The following CELF5 variants were observed in gnomAD, a reference collection of about 807,000 sequenced individuals.
The protein encoded by CELF5 is CUGBP Elav-like family member 5, also known as CUG-BP and ETR-3 like factor 5.
In CELF5, 6 loss-of-function variants were observed where a neutral mutation model predicts 54.9. That is an observed-to-expected ratio of 0.11 (90% CI 0.06 to 0.22). The LOEUF is 0.22. Among genes scored for constraint, CELF5 ranks in the 10% least tolerant of loss-of-function variants. The pLI, the probability that CELF5 is intolerant of heterozygous loss-of-function variation, is 1.00. For synonymous variants in CELF5, 271 were observed against 290.9 expected (o/e 0.93, Z 0.70); for missense variants, 401 against 678.6 (o/e 0.59, Z 4.54).
chr19:3,292,743 A>G (rs2080372737), intron 11 of CELF5, among the ~76,000 whole-genome samples: 1 of 152,068 alleles, frequency 6.6e-6, no homozygotes, highest in Non-Finnish European at 1.5e-5. Context: ...AGAAACAGAG[A>G]CAGTTAGCTG....
At chr19:3,250,650 CT>C (rs1164332456) in intron 1 of CELF5, among the ~76,000 whole-genome samples, 2 of 152,298 alleles carry the variant, frequency 1.3e-5, no homozygotes, top group African/African-American at 2.4e-5. Context: ...TCCCCAGCCC[CT>C]GGCACCTCCC....
chr19:3,247,247 C>A (rs1172527388), intron 1 of CELF5, among the ~76,000 whole-genome samples: 1 of 152,134 alleles, frequency 6.6e-6, no homozygotes, highest in Non-Finnish European at 1.5e-5. Flanking sequence ...CTGCCTTGGC[C>A]TCCCGAGTAG....
rs2079909153 is a variant in CELF5 at position 3,268,153 on chromosome 19, C to G, written c.343-5719C>G. ...AGCTGGGATTACAGGTGCCCGCCAC[C>G]ACGCCCAGCTACTTTTTGTATTTTT... On this transcript the variant is annotated intron_variant, in intron 2 of 12. Coordinates refer to ENST00000292672, the MANE Select transcript of CELF5 (RefSeq NM_021938.4). The surrounding 1 kb of genome is among the most constrained non-coding windows in gnomAD (Gnocchi z 4.4). 6.6e-6 allele frequency among the ~76,000 whole-genome samples: 1 copy of G among 152,054 alleles called. No homozygotes were observed. The highest frequency in any genetic ancestry group is 2.4e-5 in the African/African-American group (1 of 41,400).
Position 3,275,866 on chromosome 19 carries a change from G to A in CELF5, c.405G>A (p.Lys135=). The A allele has an allele frequency of 2.5e-6, 4 of 1,610,364 alleles. No individual in the cohort carries two copies. Among genetic ancestry groups the A allele is most frequent in the South Asian group, 1.1e-5 (1 of 91,006 alleles). ...TGTCGCCGCCCACAGGGGACCGGAA[G>A]CTGTTCGTGGGGATGCTGAACAAGC... is the stretch of plus-strand genomic sequence containing the variant. ...DSESRGGRDR[K]LFVGMLNKQQ... Residue 135 remains lysine, a synonymous_variant, in exon 4 of 13, where the codon AAG becomes AAA. Transcript: ENST00000292672. The surrounding 1 kb of genome is among the most constrained non-coding windows in gnomAD (Gnocchi z 6.7).
chr19:3,245,647 G>C (rs147450082), intron 1 of CELF5, among the ~76,000 whole-genome samples: 102 of 151,714 alleles, frequency 6.7e-4, no homozygotes, highest in African/African-American at 2.2e-3. Flanking sequence ...ATTTCTTGCC[G>C]ATCAAACCTG....
At chr19:3,231,800 G>C (rs1194789829) in intron 1 of CELF5, among the ~76,000 whole-genome samples, 1 of 149,932 alleles carries the variant, frequency 6.7e-6, no homozygotes, top group Non-Finnish European at 1.5e-5. Flanking sequence ...ATGGATGGAT[G>C]GATGGGTAGG....
intron 1 of CELF5, among the ~76,000 whole-genome samples, chr19:3,250,112 C>T (rs1326880189): frequency 1.3e-5 from 2 of 152,222 alleles, no homozygotes; most frequent in Non-Finnish European, 2.9e-5. Context: ...AACATGGTGG[C>T]TTCAGCATCC....
chr19:3,248,990 A>G (rs1191993270), intron 1 of CELF5, among the ~76,000 whole-genome samples: 2 of 146,844 alleles, frequency 1.4e-5, no homozygotes. Flanking sequence ...TCTGCCTGGT[A>G]CCCCCAGGGT....
intron 1 of CELF5, among the ~76,000 whole-genome samples, chr19:3,235,517 G>A (rs1196945185): frequency 2.3e-5 from 3 of 128,874 alleles, no homozygotes; most frequent in Admixed American, 7.7e-5. Flanking sequence ...TGGATGGATG[G>A]ATGGATGAAT....
intron 1 of CELF5, among the ~76,000 whole-genome samples, chr19:3,246,101 C>T (rs1027521614): frequency 3.9e-5 from 6 of 152,116 alleles, no homozygotes; most frequent in East Asian, 1.9e-4. Context: ...CGGTGGCTTA[C>T]GCCTATAATC....
Position 3,275,447 on chromosome 19 carries a change from A to AAGAC in CELF5, c.395-390_395-387dup, listed in dbSNP as rs749889665. The stretch of plus-strand genomic sequence containing the variant: ...CTGGCAGGTCCGGGGAGCAGACAGA[A>AAGAC]AGACAGACAGACAGACAGACAGGGA... On this transcript the variant is annotated intron_variant, in intron 3 of 12. Coordinates refer to ENST00000292672, the MANE Select transcript of CELF5 (RefSeq NM_021938.4). The surrounding 1 kb of genome is among the most constrained non-coding windows in gnomAD (Gnocchi z 6.7). Among the ~76,000 whole-genome samples the AAGAC allele has an allele frequency of 3.0e-4, 46 of 152,198 alleles. No individual in the cohort carries two copies. In the Middle Eastern group the frequency reaches 0.01, roughly 34 times the overall value.
At position 3,242,118 on chromosome 19, in the gene CELF5, G is replaced by A. The variant is rs545739523; in HGVS notation, c.260-8867G>A. 2.0e-5 allele frequency among the ~76,000 whole-genome samples: 3 copies of A among 152,294 alleles called. No individual in the cohort carries two copies. In the South Asian group the frequency reaches 6.2e-4, roughly 32 times the overall value. Reference sequence around the variant, plus strand: ...AGGTTATTTCTAGGGAAGCAGGTACGGCAAGAGGCTGTGTTCTTCCTCATA... The same window carrying A: ...AGGTTATTTCTAGGGAAGCAGGTACAGCAAGAGGCTGTGTTCTTCCTCATA... On this transcript the variant is annotated intron_variant, in intron 1 of 12. Coordinates refer to ENST00000292672, the MANE Select transcript of CELF5 (RefSeq NM_021938.4).
At position 3,227,609 on chromosome 19, in the gene CELF5, G is replaced by A. The variant is rs1221483181; in HGVS notation, c.259+2611G>A. Among the ~76,000 whole-genome samples, 5 of 152,084 alleles carry A rather than the reference G, an allele frequency of 3.3e-5. No homozygotes were observed. The East Asian group carries it at 7.7e-4, about 23-fold the overall frequency. ...TGCACCCGGCTCCTGGTACAAGCCC[G>A]GAGGGGGTCAGCTGGTACCACCTCT... On this transcript the variant is annotated intron_variant, in intron 1 of 12. Coordinates refer to ENST00000292672, the MANE Select transcript of CELF5 (RefSeq NM_021938.4).
intron 1 of CELF5, among the ~76,000 whole-genome samples, chr19:3,234,769 G>C (rs576625099): frequency 6.6e-6 from 1 of 152,056 alleles, no homozygotes; most frequent in Non-Finnish European, 1.5e-5. Flanking sequence ...TGATGGCTCT[G>C]CCTTCAAAAC....
intron 1 of CELF5, among the ~76,000 whole-genome samples, chr19:3,242,921 G>A (rs1363670752): frequency 6.6e-6 from 1 of 152,064 alleles, no homozygotes; most frequent in Non-Finnish European, 1.5e-5. Flanking sequence ...GTGAGATGGT[G>A]CTGCTGCACT....
In CELF5 at chr19:3,224,965, G is replaced by T; in HGVS notation, c.226G>T (p.Val76Leu). 1.2e-6 allele frequency: 2 copies of T among 1,605,432 alleles called. No individual in the cohort carries two copies. Among genetic ancestry groups the T allele is most frequent in the Non-Finnish European group, 1.7e-6 (2 of 1,176,472 alleles). Residue 76 changes from valine to leucine, a missense_variant, in exon 1 of 13, where the codon GTG becomes TTG. Val to Leu is a conservative substitution (Grantham distance 32). Around this residue, in one of 6 missense-constraint regions of CELF5, gnomAD observed 66 missense variants for 132.3 expected, o/e 0.50. Coordinates refer to ENST00000292672, the MANE Select transcript of CELF5 (RefSeq NM_021938.4). The stretch of plus-strand genomic sequence containing the variant: ...GTTCGGCCGCATCTACGAGCTCACG[G>T]TGCTCAAAGACCCCTACACGGGGAT... ...EQFGRIYELT[V>L]LKDPYTGMHK...
In CELF5 at chr19:3,224,777, A is replaced by G. The variant is rs1916790468; in HGVS notation, c.38A>G (p.Gln13Arg). Reference sequence around the variant, plus strand: ...ACGGAGAGCGAGGCGCGCCGGCAGCAGCAGCAGCTCCTGCAGCCGCGGCCC... The same window carrying G: ...ACGGAGAGCGAGGCGCGCCGGCAGCGGCAGCAGCTCCTGCAGCCGCGGCCC... Reference protein sequence around the residue: ...RLTESEARRQQQQLLQPRPSP... With the variant: ...RLTESEARRQRQQLLQPRPSP... Residue 13 changes from glutamine to arginine, a missense_variant, in exon 1 of 13, where the codon CAG (glutamine) becomes CGG (arginine). Gln to Arg is a conservative substitution (Grantham distance 43). Transcript: ENST00000292672. 6 of 1,467,424 alleles carry G rather than the reference A, an allele frequency of 4.1e-6. No individual in the cohort carries two copies. Among genetic ancestry groups the G allele is most frequent in the African/African-American group, 1.5e-5 (1 of 67,364 alleles). 90.9% of individuals were successfully genotyped at this position (1,467,424 alleles called of 1,614,324 possible). A position where few individuals can be genotyped will look rare whatever the true frequency, so the allele number is the denominator to read the frequency against.
At position 3,281,047 on chromosome 19, in the gene CELF5, TG is replaced by T; in HGVS notation, c.604-150del. ...CTCCACGCGGTCCTCGCTGTGGCCCTGGCTCCTGGGGTGGGGGCCCGTGGAC... is the reference window on the plus strand; with the variant it reads ...CTCCACGCGGTCCTCGCTGTGGCCCTGCTCCTGGGGTGGGGGCCCGTGGAC... On this transcript the variant is annotated intron_variant, in intron 5 of 12. Coordinates refer to ENST00000292672, the MANE Select transcript of CELF5 (RefSeq NM_021938.4). The surrounding 1 kb of genome is among the most constrained non-coding windows in gnomAD (Gnocchi z 6.5). The T allele has an allele frequency of 1.1e-6, 1 of 895,620 alleles. No homozygotes were observed. Among genetic ancestry groups the T allele is most frequent in the Non-Finnish European group, 1.7e-6 (1 of 579,560 alleles). 55.5% of individuals were successfully genotyped at this position (895,620 alleles called of 1,614,324 possible).
At chr19:3,296,427 C>A (rs1234377975) in intron 12 of CELF5, 2 of 60,096 alleles carry the variant, frequency 3.3e-5, no homozygotes, top group Admixed American at 2.4e-4. Flanking sequence ...GTGGGGGAAA[C>A]CACACAGAAA....
Sources: gnomAD v4.1 joint callset for allele counts (sites outside exome capture counted in the v4.1 genomes callset) on GRCh38, gnomAD v4.1.1 for gene constraint, gnomAD v4.1.1 regional missense constraint, Gnocchi (gnomAD v3.1) non-coding constraint, MANE v1.5 for transcripts, NCBI Gene and HGNC (gene_info 2026-07-23, HGNC 2026-07-21) for gene names.